Variants in RBFOX1 observed in about 807,000 individuals in gnomAD.
RBFOX1 encodes the protein RNA binding fox-1 homolog 1, also known as RNA binding protein fox-1 homolog 1.
In RBFOX1, 8 loss-of-function variants were observed where a neutral mutation model predicts 57.7. The observed-to-expected ratio is 0.14, with a 90% CI of 0.08 to 0.25. RBFOX1 has a LOEUF of 0.25. Among genes scored for constraint, RBFOX1 ranks in the 10% least tolerant of loss-of-function variants. The probability of loss-of-function intolerance (pLI) is 1.00; values close to 1 mark genes in which losing one functional copy is unlikely to be tolerated. For missense variants in RBFOX1, 611 were observed against 548.5 expected (o/e 1.11, Z -1.14); for synonymous variants, 326 against 222.4 (o/e 1.47, Z -4.15).
At chr16:5,327,943 C>T (rs927039022) in intron 1 of RBFOX1, among the ~76,000 whole-genome samples, 1 of 152,102 alleles carries the variant, frequency 6.6e-6, no homozygotes, top group Non-Finnish European at 1.5e-5. Context: ...TATTGTTTCT[C>T]TGATTATTTC....
At chr16:6,082,347 A>AT (rs71142677) in intron 1 of RBFOX1, among the ~76,000 whole-genome samples, 2,605 of 41,066 alleles carry the variant, frequency 0.063, 303 homozygotes, top group African/African-American at 0.12. Flanking sequence ...CACCTGGCTA[A>AT]TTTTTTTTTT....
chr16:5,987,194 A>G (rs1177684009), intron 4 of RBFOX1, among the ~76,000 whole-genome samples: 1 of 152,120 alleles, frequency 6.6e-6, no homozygotes, highest in Admixed American at 6.5e-5. Flanking sequence ...GTTTGTTCAC[A>G]TATTTTGCCT....
intron 11 of RBFOX1, among the ~76,000 whole-genome samples, chr16:7,635,955 C>T (rs570622256): frequency 7.2e-5 from 11 of 152,236 alleles, no homozygotes; most frequent in South Asian, 2.1e-4. Flanking sequence ...GGACTACAGG[C>T]GCCCGCCACC....
intron 3 of RBFOX1, among the ~76,000 whole-genome samples, chr16:5,628,070 G>C (rs1490588648): frequency 6.6e-6 from 1 of 152,152 alleles, no homozygotes; most frequent in Non-Finnish European, 1.5e-5. Flanking sequence ...TAGTATAAGG[G>C]TGATGGTCTG....
intron 2 of RBFOX1, among the ~76,000 whole-genome samples, chr16:6,439,575 T>C (rs1373267689): frequency 6.6e-6 from 1 of 152,190 alleles, no homozygotes; most frequent in Non-Finnish European, 1.5e-5. Context: ...AAGTGTTGAC[T>C]GGAGTTCAGT....
chr16:5,478,412 G>C (rs1005999153), intron 2 of RBFOX1, among the ~76,000 whole-genome samples: 5 of 152,058 alleles, frequency 3.3e-5, no homozygotes, highest in African/African-American at 1.2e-4. Flanking sequence ...TTTGGAATCA[G>C]AGCTGCAGCA....
intron 1 of RBFOX1, among the ~76,000 whole-genome samples, chr16:5,251,936 A>T (rs1367697785): frequency 6.6e-6 from 1 of 151,870 alleles, no homozygotes; most frequent in Non-Finnish European, 1.5e-5. Flanking sequence ...TAGGTCCTGA[A>T]CCAGTGACCT....
At chr16:5,463,475 A>T (rs1009367291) in intron 1 of RBFOX1, among the ~76,000 whole-genome samples, 1 of 152,158 alleles carries the variant, frequency 6.6e-6, no homozygotes, top group Non-Finnish European at 1.5e-5. Flanking sequence ...AATGGATCCA[A>T]GTGCTTAAAG....
In RBFOX1 at chr16:7,149,403, G is replaced by C. The variant is rs74009252; in HGVS notation, c.27+97305G>C. ...TCCCCCACTCCATTCCCACTGGTGA[G>C]AGACTTTTGCTTAAGACCACTGTCT... On this transcript the variant is annotated intron_variant, in intron 4 of 15. Coordinates refer to ENST00000550418, the MANE Select transcript of RBFOX1 (RefSeq NM_018723.4). Among the ~76,000 whole-genome samples the C allele has an allele frequency of 7.7e-3, 1,177 of 151,900 alleles. 19 individuals are homozygous for C. Among genetic ancestry groups the C allele is most frequent in the African/African-American group, 0.027 (1,110 of 41,418 alleles).
intron 2 of RBFOX1, among the ~76,000 whole-genome samples, chr16:6,616,830 C>T (rs778554287): frequency 6.6e-6 from 1 of 152,196 alleles, no homozygotes; most frequent in African/African-American, 2.4e-5. Flanking sequence ...TCTAACATCA[C>T]GGAATGGCAA....
intron 1 of RBFOX1, among the ~76,000 whole-genome samples, chr16:5,284,052 T>C (rs1321377122): frequency 2.0e-5 from 3 of 152,006 alleles, no homozygotes; most frequent in African/African-American, 7.2e-5. Flanking sequence ...GCTGTTCTCA[T>C]GATAGTGAAT....
chr16:5,721,398 CTTG>C (rs1454337207), intron 3 of RBFOX1, among the ~76,000 whole-genome samples: 2 of 152,062 alleles, frequency 1.3e-5, no homozygotes, highest in Non-Finnish European at 2.9e-5. Flanking sequence ...TGTTCAAGAT[CTTG>C]TTGTCTGCAA....
intron 4 of RBFOX1, among the ~76,000 whole-genome samples, chr16:7,216,653 G>T (rs527651837): frequency 7.2e-6 from 1 of 137,982 alleles, no homozygotes; most frequent in Non-Finnish European, 1.6e-5. Flanking sequence ...GTGAGACTCC[G>T]TCAAAATAAA....
At chr16:5,413,601 C>T (rs184113427) in intron 1 of RBFOX1, among the ~76,000 whole-genome samples, 306 of 152,312 alleles carry the variant, frequency 2.0e-3, no homozygotes, top group African/African-American at 7.1e-3. Context: ...TTCTGTTGGA[C>T]AGTGCCTGTC....
At chr16:5,828,690 A>AAAAAG (rs571334923) in intron 3 of RBFOX1, among the ~76,000 whole-genome samples, 1 of 146,888 alleles carries the variant, frequency 6.8e-6, no homozygotes, top group Non-Finnish European at 1.5e-5. Flanking sequence ...CGAGACTCCA[A>AAAAAG]AAAAGAAAAG....
intron 3 of RBFOX1, among the ~76,000 whole-genome samples, chr16:5,859,903 G>A (rs915691757): frequency 1.3e-5 from 2 of 152,152 alleles, no homozygotes; most frequent in Non-Finnish European, 2.9e-5. Context: ...CAGGTTTCTT[G>A]GTGAAATTCA....
intron 3 of RBFOX1, among the ~76,000 whole-genome samples, chr16:7,004,831 C>G (rs2093157263): frequency 6.6e-6 from 1 of 152,114 alleles, no homozygotes; most frequent in African/African-American, 2.4e-5. Flanking sequence ...CTGTTGGAAC[C>G]TGTTGGGACA....
Position 7,143,909 on chromosome 16 carries a change from G to C in RBFOX1, c.27+91811G>C, listed in dbSNP as rs1323560356. ...TATATAGTCCCTAGGAGCTATTACT[G>C]TAATGTCTATTCACAGACAATGGAA... On this transcript the variant is annotated intron_variant, in intron 4 of 15. Coordinates refer to ENST00000550418, the MANE Select transcript of RBFOX1 (RefSeq NM_018723.4). Among the ~76,000 whole-genome samples, 5 of 152,136 alleles carry C rather than the reference G, an allele frequency of 3.3e-5. No homozygotes were observed. In the East Asian group the frequency reaches 9.6e-4, roughly 29 times the overall value.
At chr16:5,248,192 G>A (rs2333762) in intron 1 of RBFOX1, among the ~76,000 whole-genome samples, 2 of 152,204 alleles carry the variant, frequency 1.3e-5, no homozygotes, top group African/African-American at 2.4e-5. Context: ...TGGTTTCTGC[G>A]AGCACAACAA....
Sources: gnomAD v4.1 joint callset for allele counts (sites outside exome capture counted in the v4.1 genomes callset) on GRCh38, gnomAD v4.1.1 for gene constraint, MANE v1.5 for transcripts, NCBI Gene and HGNC (gene_info 2026-07-23, HGNC 2026-07-21) for gene names.